The following ADGRA1 variants were observed in gnomAD, a reference collection of about 807,000 sequenced individuals.
The protein encoded by ADGRA1 is adhesion G protein-coupled receptor A1.
In ADGRA1, 12 loss-of-function variants were observed where a neutral mutation model predicts 21.3. That is an observed-to-expected ratio of 0.56 (90% CI 0.36 to 0.91). The LOEUF (loss-of-function observed/expected upper bound fraction) is 0.91. Among genes scored for constraint, ADGRA1 ranks in the 40% least tolerant of loss-of-function variants. The pLI is 0.01. For missense variants in ADGRA1, 790 were observed against 805.6 expected (o/e 0.98, Z 0.23); for synonymous variants, 385 against 368.8 (o/e 1.04, Z -0.50).
chr10:133,093,089 G>A (rs1358842488), intron 2 of ADGRA1: 2 of 1,597,106 alleles, frequency 1.3e-6, no homozygotes, highest in Admixed American at 1.7e-5. Context: ...AGTTGGAGCT[G>A]CAGACCTAGC....
rs142300291 is a variant in ADGRA1, at chr10:133,129,423, A to G, written c.1595A>G (p.Lys532Arg). ...FGGPSQNGLP[K>R]GKLLEGLPFG... ...GGCCCCAGCCAGAACGGGCTGCCCA[A>G]GGGTAAATTGCTAGAAGGCCTGCCG... Residue 532 changes from lysine (K) to arginine (R), a missense_variant, in exon 7 of 7, where the codon AAG (lysine) becomes AGG (arginine). Around this residue, in one of 3 missense-constraint regions of ADGRA1, gnomAD observed 391 missense variants for 351.5 expected, o/e 1.11. Coordinates refer to ENST00000392607, the MANE Select transcript of ADGRA1 (RefSeq NM_001083909.3). The G allele has an allele frequency of 6.2e-7, 1 of 1,605,142 alleles. No individual in the cohort carries two copies. Among genetic ancestry groups the G allele is most frequent in the Non-Finnish European group, 8.5e-7 (1 of 1,179,824 alleles).
chr10:133,111,805 A>ACGGG lies in ADGRA1; in HGVS notation c.401+8964_401+8965insGGGC, dbSNP rs1564849397. On this transcript the variant is annotated intron_variant, in intron 5 of 6. Transcript: ENST00000392607. The stretch of plus-strand genomic sequence containing the variant: ...AATCCCTCCAGACCACCTGCCCACC[A>ACGGG]CAGGCACCTCCCTCCTAATCCCACC... 5.2e-4 allele frequency among the ~76,000 whole-genome samples: 76 copies of ACGGG among 146,718 alleles called. 2 individuals carry two copies. Among genetic ancestry groups the ACGGG allele is most frequent in the Non-Finnish European group, 8.8e-4 (59 of 66,948 alleles).
chr10:133,100,395 A>G (rs990629984), intron 4 of ADGRA1, among the ~76,000 whole-genome samples: 2 of 152,178 alleles, frequency 1.3e-5, no homozygotes, highest in Non-Finnish European at 2.9e-5. Flanking sequence ...TACGCCCCAC[A>G]CTGGGATGAA....
intron 5 of ADGRA1, among the ~76,000 whole-genome samples, chr10:133,123,938 G>A (rs773228148): frequency 8.5e-5 from 13 of 152,322 alleles, no homozygotes; most frequent in Middle Eastern, 3.4e-3. Flanking sequence ...CTCTTGACGC[G>A]TGAGGTGAAA....
intron 5 of ADGRA1, among the ~76,000 whole-genome samples, chr10:133,107,788 A>C (rs1851919016): frequency 6.6e-6 from 1 of 152,138 alleles, no homozygotes; most frequent in South Asian, 2.1e-4. Flanking sequence ...TAATTCTCAC[A>C]GATCTCTAGA....
chr10:133,105,571 C>T lies in ADGRA1; in HGVS notation c.401+2729C>T, dbSNP rs146332556. 6.2e-3 allele frequency among the ~76,000 whole-genome samples: 946 copies of T among 152,350 alleles called. 4 individuals are homozygous for T. The highest frequency in any genetic ancestry group is 0.01 in the Non-Finnish European group (689 of 68,036). ...CTTCAGAGTCCAGGGAAGATACAGCCATGTAAAATGTTGCTGCGCTGGTGT... is the reference window on the plus strand; with the variant it reads ...CTTCAGAGTCCAGGGAAGATACAGCTATGTAAAATGTTGCTGCGCTGGTGT... On this transcript the variant is annotated intron_variant, in intron 5 of 6. Transcript: ENST00000392607.
At chr10:133,102,979 TC>T in intron 5 of ADGRA1, 137 bp downstream of exon 5, 1 of 904,116 alleles carries the variant, frequency 1.1e-6, no homozygotes, top group East Asian at 3.2e-5. Context: ...GGGTCAGTGT[TC>T]CCAGGGAGGG....
At position 133,088,138 on chromosome 10, in the gene ADGRA1, G is replaced by A. The variant is rs1222534804; in HGVS notation, c.-203G>A. 2 of 983,536 alleles carry A rather than the reference G, an allele frequency of 2.0e-6. No homozygotes were observed. Among genetic ancestry groups the A allele is most frequent in the Non-Finnish European group, 2.4e-6 (2 of 828,396 alleles). The allele number at this position is 983,536 out of a possible 1,614,324, so 60.9% of individuals were successfully genotyped here. A position where few individuals can be genotyped will look rare whatever the true frequency, so the allele number is the denominator to read the frequency against. Reference sequence around the variant, plus strand: ...CCCGGCAGCCGCTTCGGCCACAGCAGGTGGGAAGGACGCGCGGGTCTGGGC... The same window carrying A: ...CCCGGCAGCCGCTTCGGCCACAGCAAGTGGGAAGGACGCGCGGGTCTGGGC... On this transcript the variant is annotated splice_region_variant and 5_prime_UTR_variant, in exon 1 of 7. Coordinates refer to ENST00000392607, the MANE Select transcript of ADGRA1 (RefSeq NM_001083909.3).
Position 133,102,688 on chromosome 10 carries a change from C to A in ADGRA1, c.256-9C>A, listed in dbSNP as rs1357952649. ...GCCAAGGGCCTGGCTGACCGCTGCT[C>A]CCCCACAGGTGGGCATCGTGCTGCA... On this transcript the variant is annotated splice_polypyrimidine_tract_variant and intron_variant, in intron 4 of 6. Coordinates refer to ENST00000392607, the MANE Select transcript of ADGRA1 (RefSeq NM_001083909.3). 3 of 1,592,738 alleles carry A rather than the reference C, an allele frequency of 1.9e-6. No homozygotes were observed. The highest frequency in any genetic ancestry group is 4.5e-5 in the East Asian group (2 of 44,246).
intron 5 of ADGRA1, among the ~76,000 whole-genome samples, chr10:133,110,235 G>A (rs993020416): frequency 3.3e-5 from 5 of 152,256 alleles, no homozygotes; most frequent in Admixed American, 2.0e-4. Context: ...AGTGTGCCCC[G>A]CACTTCTGCC....
At position 133,125,548 on chromosome 10, in the gene ADGRA1, C is replaced by G. The variant is rs377244632; in HGVS notation, c.402-1685C>G. Among the ~76,000 whole-genome samples the G allele has an allele frequency of 5.3e-5, 8 of 152,054 alleles. No homozygotes were observed. In the East Asian group the frequency reaches 9.6e-4, roughly 18 times the overall value. ...ACGCCATTCTCCTGTCTCAGCCTCC[C>G]GAGTAGCTGGGACTACAGGCGCCCG... On this transcript the variant is annotated intron_variant, in intron 5 of 6. Coordinates refer to ENST00000392607, the MANE Select transcript of ADGRA1 (RefSeq NM_001083909.3).
At chr10:133,119,482 G>C (rs1239758154) in intron 5 of ADGRA1, among the ~76,000 whole-genome samples, 1 of 152,154 alleles carries the variant, frequency 6.6e-6, no homozygotes, top group Non-Finnish European at 1.5e-5. Context: ...GTGCTGTTTG[G>C]TGCACTTTAC....
chr10:133,129,474 TC>T lies in ADGRA1; in HGVS notation c.1648del (p.Arg550GlufsTer74). On this transcript the variant is annotated frameshift_variant, in exon 7 of 7. Coordinates refer to ENST00000392607, the MANE Select transcript of ADGRA1 (RefSeq NM_001083909.3). LOFTEE classifies it high-confidence loss of function. ...TTTGGCACCGACGGGACCGGCAACA[TC>T]CGAACGGGACCCTGGAAAAACGAAA... Reference protein sequence around the residue: ...LPFGTDGTGNIRTGPWKNETT... With the variant: ...LPFGTDGTGNXRTGPWKNETT... 6.3e-7 allele frequency: 1 copy of T among 1,598,892 alleles called. No individual in the cohort carries two copies. Among genetic ancestry groups the T allele is most frequent in the Non-Finnish European group, 8.5e-7 (1 of 1,179,582 alleles).
chr10:133,123,426 T>A (rs894487600), intron 5 of ADGRA1, among the ~76,000 whole-genome samples: 1 of 152,078 alleles, frequency 6.6e-6, no homozygotes, highest in Admixed American at 6.5e-5. Flanking sequence ...GCCTCGTGCT[T>A]CTAGGGATGG....
At chr10:133,120,522 G>T (rs1006770902) in intron 5 of ADGRA1, among the ~76,000 whole-genome samples, 12 of 152,230 alleles carry the variant, frequency 7.9e-5, no homozygotes, top group African/African-American at 2.9e-4. Flanking sequence ...CACCTCACCT[G>T]CACTTTTACG....
intron 5 of ADGRA1, among the ~76,000 whole-genome samples, chr10:133,105,194 A>G (rs777301054): frequency 6.6e-6 from 1 of 151,932 alleles, no homozygotes; most frequent in Non-Finnish European, 1.5e-5. Flanking sequence ...CGTCGCCCAC[A>G]CCCTCTCTGG....
intron 5 of ADGRA1, among the ~76,000 whole-genome samples, chr10:133,112,637 G>A (rs1443537632): frequency 1.5e-4 from 20 of 133,204 alleles, no homozygotes; most frequent in African/African-American, 4.8e-4. Context: ...TGGGGTCTAC[G>A]GGCCGCGTCC....
intron 5 of ADGRA1, among the ~76,000 whole-genome samples, chr10:133,103,635 G>A (rs1396172997): frequency 1.3e-5 from 2 of 152,230 alleles, no homozygotes; most frequent in East Asian, 1.9e-4. Context: ...TCAGTCCAGA[G>A]CCAGGGGAAC....
intron 5 of ADGRA1, among the ~76,000 whole-genome samples, chr10:133,123,081 G>A (rs79822086): frequency 0.016 from 2,491 of 152,296 alleles, 31 homozygotes; most frequent in Non-Finnish European, 0.023. Flanking sequence ...ACTGTGGCAC[G>A]TTGGTCTCCG....
Sources: gnomAD v4.1 joint callset for allele counts (sites outside exome capture counted in the v4.1 genomes callset) on GRCh38, gnomAD v4.1.1 for gene constraint, gnomAD v4.1.1 regional missense constraint, MANE v1.5 for transcripts, NCBI Gene and HGNC (gene_info 2026-07-23, HGNC 2026-07-21) for gene names.